NRG1: variants seen among roughly 807,000 people sequenced by gnomAD.
NRG1 encodes the protein pro-neuregulin-1, membrane-bound isoform.
NRG1 carries 18 observed loss-of-function variants against 63.8 expected under a neutral mutation model. That is an observed-to-expected ratio of 0.28 (90% CI 0.19 to 0.42). The LOEUF (loss-of-function observed/expected upper bound fraction) is 0.42. NRG1 is among the 10% of genes least tolerant of loss of function. The pLI is 1.00. For missense variants in NRG1, 762 were observed against 814.7 expected, an observed-to-expected ratio of 0.94 and a Z score of 0.79; for synonymous variants, 302 against 301.3, an observed-to-expected ratio of 1.00 and a Z score of -0.02.
chr8:32,246,816 G>A (rs745766453), intron 1 of NRG1, among the ~76,000 whole-genome samples: 4 of 151,988 alleles, frequency 2.6e-5, no homozygotes, highest in African/African-American at 4.8e-5. Context: ...GATGGGGGTG[G>A]AGGGAATGGG....
chr8:32,468,091 C>T (rs575779809), intron 1 of NRG1, among the ~76,000 whole-genome samples: 2 of 152,312 alleles, frequency 1.3e-5, no homozygotes, highest in East Asian at 3.9e-4. Context: ...CCTAATCTCT[C>T]TGTCCTTTCC....
At chr8:32,613,076 C>T (rs1044948409) in intron 3 of NRG1, among the ~76,000 whole-genome samples, 2 of 151,970 alleles carry the variant, frequency 1.3e-5, no homozygotes, top group East Asian at 1.9e-4. Flanking sequence ...TCCTCTTTCT[C>T]GCCTGATGCT....
intron 5 of NRG1, among the ~76,000 whole-genome samples, chr8:32,620,029 G>A (rs549379954): frequency 1.6e-4 from 24 of 152,246 alleles, no homozygotes; most frequent in African/African-American, 4.3e-4. Context: ...TGCAGGGAAC[G>A]ACTGTGAGGT....
At chr8:31,873,345 G>A (rs1829648950) in intron 1 of NRG1, among the ~76,000 whole-genome samples, 1 of 152,160 alleles carries the variant, frequency 6.6e-6, no homozygotes, top group Non-Finnish European at 1.5e-5. Flanking sequence ...TGGATCACGA[G>A]GTCAGGAGTT....
chr8:31,912,091 A>C lies in NRG1; in HGVS notation c.37+272660A>C, dbSNP rs191008723. Among the ~76,000 whole-genome samples the C allele has an allele frequency of 2.7e-4, 41 of 152,316 alleles. No individual in the cohort carries two copies. The East Asian group carries it at 7.9e-3, about 29-fold the overall frequency. On this transcript the variant is annotated intron_variant, in intron 1 of 10. Transcript: ENST00000519301. ...TGAGTGTTAAAATGATGTGGCTTAA[A>C]ACCTAGAGGAGGCATTCAATTAATG...
At chr8:32,130,547 C>T (rs956678953) in intron 1 of NRG1, among the ~76,000 whole-genome samples, 1 of 151,818 alleles carries the variant, frequency 6.6e-6, no homozygotes, top group African/African-American at 2.4e-5. Flanking sequence ...TTGTTTCAAG[C>T]CTAGAGTTCT....
intron 1 of NRG1, among the ~76,000 whole-genome samples, chr8:32,239,329 A>AT (rs1847882591): frequency 6.6e-6 from 1 of 152,034 alleles, no homozygotes; most frequent in African/African-American, 2.4e-5. Context: ...GCAAAAAAAA[A>AT]AAGTGCCTAA....
intron 1 of NRG1, among the ~76,000 whole-genome samples, chr8:32,246,603 C>G (rs1486958944): frequency 6.6e-6 from 1 of 152,166 alleles, no homozygotes. Context: ...AAGCAAAATT[C>G]TATTTGTAAA....
chr8:31,871,871 T>G (rs1263232009), intron 1 of NRG1, among the ~76,000 whole-genome samples: 1 of 152,246 alleles, frequency 6.6e-6, no homozygotes, highest in Non-Finnish European at 1.5e-5. Flanking sequence ...GTGACAACTT[T>G]GACAAAGTCT....
At chr8:32,526,737 A>G (rs1830884930) in intron 1 of NRG1, among the ~76,000 whole-genome samples, 1 of 152,172 alleles carries the variant, frequency 6.6e-6, no homozygotes, top group African/African-American at 2.4e-5. Flanking sequence ...ACAAACAACC[A>G]GTAGCAACTG....
chr8:32,284,070 C>G (rs1853212915), intron 1 of NRG1, among the ~76,000 whole-genome samples: 1 of 152,202 alleles, frequency 6.6e-6, no homozygotes, highest in South Asian at 2.1e-4. Flanking sequence ...AACAAAGACT[C>G]TCTTGATCAG....
At chr8:31,964,645 C>A (rs886666751) in intron 1 of NRG1, among the ~76,000 whole-genome samples, 2 of 152,104 alleles carry the variant, frequency 1.3e-5, no homozygotes, top group African/African-American at 4.8e-5. Context: ...GGTGACAGAG[C>A]AAGACCCTGT....
At chr8:32,125,853 A>T (rs1339584137) in intron 1 of NRG1, among the ~76,000 whole-genome samples, 2 of 151,924 alleles carry the variant, frequency 1.3e-5, no homozygotes, top group Non-Finnish European at 2.9e-5. Flanking sequence ...ATTTTTTTGA[A>T]AAACCTTGTC....
At chr8:32,695,458 G>T (rs1331384319) in intron 5 of NRG1, among the ~76,000 whole-genome samples, 1 of 152,126 alleles carries the variant, frequency 6.6e-6, no homozygotes, top group Admixed American at 6.6e-5. Context: ...GAAAAGCAAT[G>T]TACCCTTATC....
intron 1 of NRG1, among the ~76,000 whole-genome samples, chr8:32,040,861 C>G (rs1183112637): frequency 6.9e-6 from 1 of 145,398 alleles, no homozygotes. Flanking sequence ...TAAAATTCTT[C>G]TGAGCCTTCA....
At chr8:31,945,994 C>G (rs1023615542) in intron 1 of NRG1, among the ~76,000 whole-genome samples, 1 of 152,188 alleles carries the variant, frequency 6.6e-6, no homozygotes, top group Non-Finnish European at 1.5e-5. Context: ...TGGAATTTCT[C>G]TGGGCTGCCC....
chr8:32,113,500 T>A (rs529613950), intron 1 of NRG1, among the ~76,000 whole-genome samples: 1 of 152,194 alleles, frequency 6.6e-6, no homozygotes, highest in South Asian at 2.1e-4. Flanking sequence ...TGACAGGTGC[T>A]AGCTGCTTCC....
intron 4 of NRG1, among the ~76,000 whole-genome samples, chr8:32,615,245 TTTCTTA>T (rs1292747674): frequency 2.5e-5 from 3 of 118,454 alleles, no homozygotes; most frequent in Admixed American, 1.1e-4. Flanking sequence ...TTTTAAACTT[TTTCTTA>T]TTCTTTGTAA....
chr8:32,295,919 A>G (rs1417691366), intron 1 of NRG1, among the ~76,000 whole-genome samples: 1 of 139,888 alleles, frequency 7.1e-6, no homozygotes, highest in Non-Finnish European at 1.5e-5. Context: ...CCTGGGTGAC[A>G]GGGCAAGACT....
Sources: allele counts gnomAD v4.1 joint callset (sites outside exome capture counted in the v4.1 genomes callset), GRCh38; gene constraint gnomAD v4.1.1; transcripts MANE v1.5; gene names NCBI Gene and HGNC (gene_info 2026-07-23, HGNC 2026-07-21).